ARSJ: variants seen among roughly 807,000 people sequenced by gnomAD.
ARSJ encodes arylsulfatase family member J.
A neutral mutation model predicts 35.9 loss-of-function variants in ARSJ; 26 were observed. The ratio of observed to expected loss-of-function variants is 0.72; its 90% CI spans 0.53 to 1.00. The LOEUF (loss-of-function observed/expected upper bound fraction) is 1.00. Ranked by LOEUF, ARSJ falls within the 50% of genes least tolerant of loss-of-function variation. ARSJ has a pLI of 0.00. For synonymous variants in ARSJ, 294 were observed against 267.6 expected, an observed-to-expected ratio of 1.10 and a Z score of -0.96; for missense variants, 667 against 723.6, an observed-to-expected ratio of 0.92 and a Z score of 0.90.
At chr4:113,920,171 T>C (rs889681805) in intron 1 of ARSJ, among the ~76,000 whole-genome samples, 1 of 152,180 alleles carries the variant, frequency 6.6e-6, no homozygotes, top group African/African-American at 2.4e-5. Context: ...AGATTGTAAT[T>C]GTTCTCTAAC....
chr4:113,958,562 C>T (rs1473422630), intron 1 of ARSJ, among the ~76,000 whole-genome samples: 1 of 151,974 alleles, frequency 6.6e-6, no homozygotes, highest in South Asian at 2.1e-4. Flanking sequence ...AGATCAGGCT[C>T]CTACATCATA....
intron 1 of ARSJ, among the ~76,000 whole-genome samples, chr4:113,971,114 A>T (rs1727219023): frequency 6.6e-6 from 1 of 152,200 alleles, no homozygotes; most frequent in African/African-American, 2.4e-5. Context: ...TAGAATTATA[A>T]AAGAACACTG....
intron 1 of ARSJ, among the ~76,000 whole-genome samples, chr4:113,941,620 T>C (rs533147097): frequency 1.3e-3 from 204 of 151,450 alleles, no homozygotes; most frequent in Non-Finnish European, 2.3e-3. Flanking sequence ...ATTCAACACA[T>C]GAATTAAATA....
intron 1 of ARSJ, among the ~76,000 whole-genome samples, chr4:113,915,950 T>C (rs1294778634): frequency 6.6e-6 from 1 of 152,210 alleles, no homozygotes; most frequent in East Asian, 1.9e-4. Flanking sequence ...TCACTGCTTA[T>C]AGACTGGAAA....
Position 113,978,848 on chromosome 4 carries a change from A to C in ARSJ, c.-14T>G, listed in dbSNP as rs1229673054. On this transcript the variant is annotated 5_prime_UTR_variant, in exon 1 of 2. Coordinates refer to ENST00000315366, the MANE Select transcript of ARSJ (RefSeq NM_024590.4). ...CCTGGGAGCCATTCACTCAGGTCCC[A>C]GGTGAGACTCCACGCGGAGAACCAC... 2 of 1,578,470 alleles carry C rather than the reference A, an allele frequency of 1.3e-6. No homozygotes were observed. Among genetic ancestry groups the C allele is most frequent in the Non-Finnish European group, 1.7e-6 (2 of 1,165,020 alleles).
intron 1 of ARSJ, among the ~76,000 whole-genome samples, chr4:113,920,379 C>T (rs1227822384): frequency 6.6e-6 from 1 of 152,170 alleles, no homozygotes; most frequent in Non-Finnish European, 1.5e-5. Flanking sequence ...CATCCCTATA[C>T]ACTGTGGACA....
chr4:113,936,317 G>C (rs1724765427), intron 1 of ARSJ, among the ~76,000 whole-genome samples: 1 of 151,690 alleles, frequency 6.6e-6, no homozygotes, highest in Non-Finnish European at 1.5e-5. Flanking sequence ...GAGTTTTTAT[G>C]GTTTATGTGT....
At chr4:113,947,551 A>T in intron 1 of ARSJ, among the ~76,000 whole-genome samples, 1 of 133,090 alleles carries the variant, frequency 7.5e-6, no homozygotes, top group Non-Finnish European at 1.6e-5. Context: ...GGAAGGAGAG[A>T]GGGAGAGTGA....
At chr4:113,970,182 CTG>C (rs919775413) in intron 1 of ARSJ, among the ~76,000 whole-genome samples, 3 of 152,134 alleles carry the variant, frequency 2.0e-5, no homozygotes, top group African/African-American at 7.2e-5. Flanking sequence ...TCTTGAGAAA[CTG>C]TGAATCATCC....
intron 1 of ARSJ, among the ~76,000 whole-genome samples, chr4:113,959,768 T>A (rs571490415): frequency 6.6e-6 from 1 of 152,198 alleles, no homozygotes; most frequent in East Asian, 1.9e-4. Context: ...GTTTATATGG[T>A]TGCATATTAT....
At position 113,929,344 on chromosome 4, in the gene ARSJ, G is replaced by C. The variant is rs557304854; in HGVS notation, c.399-25669C>G. On this transcript the variant is annotated intron_variant, in intron 1 of 1. Transcript: ENST00000315366. ...AGAATCATTATCTTTCCTGGCAACT[G>C]CCTCAGGGGAGGCCATCACTGTTGC... is the stretch of plus-strand genomic sequence containing the variant. Among the ~76,000 whole-genome samples, 20 of 152,180 alleles carry C rather than the reference G, an allele frequency of 1.3e-4. 1 individual carries two copies. The highest frequency in any genetic ancestry group is 3.6e-4 in the African/African-American group (15 of 41,546).
At chr4:113,920,026 T>C (rs1434555280) in intron 1 of ARSJ, among the ~76,000 whole-genome samples, 3 of 152,210 alleles carry the variant, frequency 2.0e-5, no homozygotes, top group Non-Finnish European at 4.4e-5. Flanking sequence ...TTGTATACCA[T>C]GCTGTCTATC....
intron 1 of ARSJ, among the ~76,000 whole-genome samples, chr4:113,951,246 T>C (rs1725846967): frequency 6.6e-6 from 1 of 152,136 alleles, no homozygotes; most frequent in Non-Finnish European, 1.5e-5. Context: ...TCTTCTTGTC[T>C]GGAATCTTAA....
At chr4:113,977,214 T>G (rs1279200476) in intron 1 of ARSJ, among the ~76,000 whole-genome samples, 1 of 152,162 alleles carries the variant, frequency 6.6e-6, no homozygotes, top group Non-Finnish European at 1.5e-5. Flanking sequence ...AAATATCAAA[T>G]ACCCTTGATT....
intron 1 of ARSJ, among the ~76,000 whole-genome samples, chr4:113,956,217 A>C (rs1726171054): frequency 1.3e-5 from 2 of 152,082 alleles, no homozygotes; most frequent in Non-Finnish European, 1.5e-5. Context: ...CTACTTTATG[A>C]AACATGTGCT....
chr4:113,935,369 TGTGA>T (rs1213481706), intron 1 of ARSJ, among the ~76,000 whole-genome samples: 3 of 151,940 alleles, frequency 2.0e-5, no homozygotes, highest in Non-Finnish European at 2.9e-5. Flanking sequence ...GAGCAACTTC[TGTGA>T]GTAAGTCACA....
At chr4:113,911,379 A>G (rs1466325236) in intron 1 of ARSJ, among the ~76,000 whole-genome samples, 1 of 152,188 alleles carries the variant, frequency 6.6e-6, no homozygotes, top group Non-Finnish European at 1.5e-5. Context: ...GAATGACACA[A>G]TCGAAGCTTT....
intron 1 of ARSJ, among the ~76,000 whole-genome samples, chr4:113,977,720 A>G (rs1727675345): frequency 6.6e-6 from 1 of 152,254 alleles, no homozygotes; most frequent in African/African-American, 2.4e-5. Flanking sequence ...CAACAATATG[A>G]AAAGCACTTT....
chr4:113,950,932 C>T (rs1274795794), intron 1 of ARSJ, among the ~76,000 whole-genome samples: 2 of 151,818 alleles, frequency 1.3e-5, no homozygotes, highest in Non-Finnish European at 2.9e-5. Context: ...GTTTATGGCA[C>T]CAAACACTGC....
Sources: allele counts gnomAD v4.1 joint callset (sites outside exome capture counted in the v4.1 genomes callset), GRCh38; gene constraint gnomAD v4.1.1; transcripts MANE v1.5; gene names NCBI Gene and HGNC (gene_info 2026-07-23, HGNC 2026-07-21).